SAMD3: variants seen among roughly 807,000 people sequenced by gnomAD.
The protein encoded by SAMD3 is sterile alpha motif domain-containing protein 3.
In SAMD3, 63 loss-of-function variants were observed where a neutral mutation model predicts 58.5. That is an observed-to-expected ratio of 1.08 (90% CI 0.88 to 1.33). The LOEUF is 1.33. Among genes scored for constraint, SAMD3 ranks in the 40% most tolerant of loss-of-function variants. SAMD3 has a pLI of 0.00. For missense variants in SAMD3, 604 were observed against 608.4 expected (o/e 0.99, Z 0.08); for synonymous variants, 220 against 210.3 (o/e 1.05, Z -0.40).
At chr6:130,159,736 G>A (rs961783100) in intron 8 of SAMD3, 1 of 151,892 alleles carries the variant, frequency 6.6e-6, no homozygotes, top group Non-Finnish European at 1.5e-5. Flanking sequence ...AAGATATTGG[G>A]AACAAATATA....
chr6:130,259,853 T>C (rs1401318761), intron 2 of SAMD3, among the ~76,000 whole-genome samples: 1 of 152,328 alleles, frequency 6.6e-6, no homozygotes, highest in African/African-American at 2.4e-5. Flanking sequence ...GATATTGACA[T>C]TAACTTAATC....
chr6:130,261,177 G>A (rs1774119899), intron 2 of SAMD3, among the ~76,000 whole-genome samples: 1 of 142,550 alleles, frequency 7.0e-6, no homozygotes, highest in South Asian at 2.3e-4. Context: ...AGCGTGGCCT[G>A]ATCACCCACG....
intron 2 of SAMD3, chr6:130,215,810 T>C (rs1177032510): frequency 6.5e-7 from 1 of 1,534,880 alleles, no homozygotes; most frequent in Non-Finnish European, 8.7e-7. Context: ...TTGCTTCTCC[T>C]GGCTAGGAGA....
intron 5 of SAMD3, among the ~76,000 whole-genome samples, chr6:130,198,403 C>A (rs1198323802): frequency 6.6e-6 from 1 of 152,166 alleles, no homozygotes; most frequent in East Asian, 1.9e-4. Context: ...GAGATGAGGT[C>A]TTGCTATGTT....
At position 130,182,135 on chromosome 6, in the gene SAMD3, A is replaced by G. The variant is rs545143814; in HGVS notation, c.654+1968T>C. On this transcript the variant is annotated intron_variant, in intron 7 of 11. Coordinates refer to ENST00000439090, the MANE Select transcript of SAMD3 (RefSeq NM_001017373.4). ...CACTGATTAGACATTAAGTTGGTAGATGTATCTCCAGTGTAGAAGAAATTC... is the reference window on the plus strand; with the variant it reads ...CACTGATTAGACATTAAGTTGGTAGGTGTATCTCCAGTGTAGAAGAAATTC... 3.9e-5 allele frequency among the ~76,000 whole-genome samples: 6 copies of G among 152,162 alleles called. No individual in the cohort carries two copies. The East Asian group carries it at 1.2e-3, about 29-fold the overall frequency.
intron 1 of SAMD3, among the ~76,000 whole-genome samples, chr6:130,217,838 TG>T (rs1796077051): frequency 6.6e-6 from 1 of 152,250 alleles, no homozygotes; most frequent in Non-Finnish European, 1.5e-5. Context: ...AAAGTTTTGC[TG>T]GCGGCATATG....
At chr6:130,165,698 A>G (rs947872790) in intron 8 of SAMD3, among the ~76,000 whole-genome samples, 29 of 152,050 alleles carry the variant, frequency 1.9e-4, no homozygotes, top group African/African-American at 7.0e-4. Flanking sequence ...CAGAAAGTTT[A>G]TGATAATAGG....
intron 1 of SAMD3, among the ~76,000 whole-genome samples, chr6:130,336,230 TTTAA>T (rs1777095727): frequency 6.6e-6 from 1 of 152,190 alleles, no homozygotes; most frequent in Admixed American, 6.5e-5. Context: ...AAATTATCTC[TTTAA>T]TTACCAAAAA....
intron 2 of SAMD3, among the ~76,000 whole-genome samples, chr6:130,282,355 G>A (rs1775010232): frequency 7.3e-6 from 1 of 137,706 alleles, no homozygotes; most frequent in African/African-American, 2.6e-5. Flanking sequence ...TGAAATACAT[G>A]TTATATATAT....
chr6:130,225,093 A>C (rs1252039699), upstream of SAMD3, among the ~76,000 whole-genome samples: 1 of 152,180 alleles, frequency 6.6e-6, no homozygotes, highest in African/African-American at 2.4e-5. Context: ...AGAGTGAGTG[A>C]GCATGGGGAA....
chr6:130,225,775 A>G (rs1363698990), upstream of SAMD3, among the ~76,000 whole-genome samples: 2 of 152,214 alleles, frequency 1.3e-5, no homozygotes, highest in African/African-American at 4.8e-5. Context: ...GATATGAGAA[A>G]ATTCAGTATT....
intron 2 of SAMD3, among the ~76,000 whole-genome samples, chr6:130,312,479 C>T (rs569510289): frequency 1.3e-5 from 2 of 152,192 alleles, no homozygotes; most frequent in Non-Finnish European, 2.9e-5. Context: ...AGTCTTTTCT[C>T]ATTTTAACCA....
intron 2 of SAMD3, among the ~76,000 whole-genome samples, chr6:130,237,677 A>C (rs1363309113): frequency 6.6e-6 from 1 of 152,154 alleles, no homozygotes; most frequent in East Asian, 1.9e-4. Flanking sequence ...TTGTATACAC[A>C]AGGAGAGTGA....
intron 1 of SAMD3, among the ~76,000 whole-genome samples, chr6:130,327,746 T>C (rs1474611867): frequency 1.3e-5 from 2 of 152,180 alleles, no homozygotes; most frequent in African/African-American, 4.8e-5. Flanking sequence ...CATCCAGCAT[T>C]ATGCTAAATG....
chr6:130,310,296 T>A (rs1232628606), intron 2 of SAMD3, among the ~76,000 whole-genome samples: 1 of 152,232 alleles, frequency 6.6e-6, no homozygotes, highest in Admixed American at 6.5e-5. Flanking sequence ...TGCATTGCCT[T>A]TTGAGAAGAT....
At chr6:130,330,542 A>G (rs2115011965) in intron 1 of SAMD3, among the ~76,000 whole-genome samples, 1 of 152,310 alleles carries the variant, frequency 6.6e-6, no homozygotes, top group South Asian at 2.1e-4. Context: ...TAGAATAGGG[A>G]AAGGGAGGAA....
chr6:130,200,124 C>A (rs1169554844), intron 5 of SAMD3, among the ~76,000 whole-genome samples: 1 of 152,004 alleles, frequency 6.6e-6, no homozygotes, highest in Non-Finnish European at 1.5e-5. Context: ...ACTTTTAAAT[C>A]TTCCCATTCC....
At chr6:130,362,130 G>A (rs901959768) in intron 1 of SAMD3, among the ~76,000 whole-genome samples, 1 of 152,212 alleles carries the variant, frequency 6.6e-6, no homozygotes, top group Non-Finnish European at 1.5e-5. Flanking sequence ...TGAAGTGAAG[G>A]CTGATATAAG....
intron 9 of SAMD3, among the ~76,000 whole-genome samples, chr6:130,151,704 G>C (rs941761046): frequency 6.6e-6 from 1 of 152,070 alleles, no homozygotes; most frequent in East Asian, 1.9e-4. Flanking sequence ...GCCTCCCAAA[G>C]TGCTGGGATT....
Sources: gnomAD v4.1 joint callset for allele counts (sites outside exome capture counted in the v4.1 genomes callset) on GRCh38, gnomAD v4.1.1 for gene constraint, MANE v1.5 for transcripts, NCBI Gene and HGNC (gene_info 2026-07-23, HGNC 2026-07-21) for gene names.